PRKG1: variants seen among roughly 807,000 people sequenced by gnomAD.
PRKG1 encodes the protein cGMP-dependent protein kinase 1.
In PRKG1, 35 loss-of-function variants were observed where a neutral mutation model predicts 88.1. That is an observed-to-expected ratio of 0.40 (90% confidence interval 0.30 to 0.53). PRKG1 has a LOEUF of 0.53. PRKG1 is among the 20% of genes least tolerant of loss of function. The probability of loss-of-function intolerance (pLI) is 0.59; values close to 1 mark genes in which losing one functional copy is unlikely to be tolerated. For synonymous variants in PRKG1, 303 were observed against 292.5 expected, an observed-to-expected ratio of 1.04 and a Z score of -0.37; for missense variants, 540 against 839.8, an observed-to-expected ratio of 0.64 and a Z score of 4.41.
intron 9 of PRKG1, among the ~76,000 whole-genome samples, chr10:52,192,355 A>G (rs1839388529): frequency 1.3e-5 from 2 of 152,134 alleles, no homozygotes; most frequent in Non-Finnish European, 2.9e-5. Context: ...AAGTATGGTC[A>G]CTGCTATTGG....
chr10:52,115,909 A>G (rs10824046), intron 7 of PRKG1, among the ~76,000 whole-genome samples: 62,062 of 151,972 alleles, frequency 0.41, 14,179 homozygotes, highest in Non-Finnish European at 0.5. Context: ...GATGAACTAA[A>G]TTTAGCAGAC....
chr10:51,170,911 A>T (rs576323087), intron 2 of PRKG1, among the ~76,000 whole-genome samples: 1 of 152,296 alleles, frequency 6.6e-6, no homozygotes, highest in South Asian at 2.1e-4. Flanking sequence ...ACCATGCTCT[A>T]AGCTGTGGCT....
rs12774315 is a variant in PRKG1, at chr10:51,786,593, C to A, written c.593-17992C>A. On this transcript the variant is annotated intron_variant, in intron 3 of 17. Coordinates refer to ENST00000373980, the MANE Select transcript of PRKG1 (RefSeq NM_006258.4). ...ACACACTCTGAATACGTCAGTTGAGCCTGGCACTCACCACACTATATTGAT... is the reference window on the plus strand; with the variant it reads ...ACACACTCTGAATACGTCAGTTGAGACTGGCACTCACCACACTATATTGAT... Among the ~76,000 whole-genome samples the A allele has an allele frequency of 5.6e-4, 86 of 152,220 alleles. 1 individual carries two copies. The highest frequency in any genetic ancestry group is 1.2e-3 in the Non-Finnish European group (80 of 68,018).
chr10:52,029,793 G>A (rs972485888), intron 5 of PRKG1, among the ~76,000 whole-genome samples: 3 of 152,096 alleles, frequency 2.0e-5, no homozygotes, highest in Non-Finnish European at 4.4e-5. Context: ...CTTAGTTGTG[G>A]TTTCCCATTC....
chr10:51,632,648 T>A (rs1839555766), intron 3 of PRKG1, among the ~76,000 whole-genome samples: 1 of 152,242 alleles, frequency 6.6e-6, no homozygotes, highest in African/African-American at 2.4e-5. Flanking sequence ...AATTACTTTG[T>A]GAATAAAATT....
chr10:52,101,004 A>C (rs570161030), intron 7 of PRKG1, among the ~76,000 whole-genome samples: 1 of 152,350 alleles, frequency 6.6e-6, no homozygotes, highest in African/African-American at 2.4e-5. Flanking sequence ...TCTGTGGCCA[A>C]GGCAATTTGA....
At chr10:51,311,265 G>T (rs1841179699) in intron 2 of PRKG1, among the ~76,000 whole-genome samples, 1 of 152,116 alleles carries the variant, frequency 6.6e-6, no homozygotes, top group Non-Finnish European at 1.5e-5. Flanking sequence ...TTATTTATGT[G>T]CAAGTTTGAT....
intron 1 of PRKG1, among the ~76,000 whole-genome samples, chr10:51,106,162 C>T (rs1215807513): frequency 6.6e-6 from 1 of 152,212 alleles, no homozygotes; most frequent in East Asian, 1.9e-4. Flanking sequence ...TATTAAGCCT[C>T]TCTATGCCTC....
chr10:51,299,645 A>G, intron 2 of PRKG1: 1 of 464,232 alleles, frequency 2.2e-6, no homozygotes, highest in Non-Finnish European at 4.4e-6. Context: ...GAGATTTAGA[A>G]TCAAGTTAGG....
chr10:51,184,596 T>A (rs1380405435), intron 2 of PRKG1, among the ~76,000 whole-genome samples: 1 of 152,202 alleles, frequency 6.6e-6, no homozygotes, highest in Non-Finnish European at 1.5e-5. Context: ...GTGAAACTAA[T>A]GACTAATGAA....
intron 2 of PRKG1, among the ~76,000 whole-genome samples, chr10:51,321,386 A>G (rs1168343140): frequency 1.3e-5 from 2 of 152,196 alleles, no homozygotes; most frequent in African/African-American, 2.4e-5. Context: ...ACTATTAACC[A>G]TACTTATTCT....
Position 51,078,653 on chromosome 10 carries a change from A to C in PRKG1, c.311+3752A>C, listed in dbSNP as rs543669545. Among the ~76,000 whole-genome samples the C allele has an allele frequency of 2.7e-5, 4 of 149,332 alleles. No individual in the cohort carries two copies. In the South Asian group the frequency reaches 6.4e-4, roughly 24 times the overall value. On this transcript the variant is annotated intron_variant, in intron 1 of 17. Transcript: ENST00000373980. ...ATTTATTGAGACGGAGTCTCGCTCT[A>C]TCGCCCAGGCTGGAGTGCAGTGGTG...
At chr10:51,542,828 A>T (rs528078423) in intron 3 of PRKG1, among the ~76,000 whole-genome samples, 1 of 152,302 alleles carries the variant, frequency 6.6e-6, no homozygotes, top group African/African-American at 2.4e-5. Context: ...TAGGCAAGTT[A>T]TGTAGCCTAT....
In PRKG1 at chr10:52,018,034, TA is replaced by T. The variant is rs555436681; in HGVS notation, c.763-36449del. Reference sequence around the variant, plus strand: ...CAGTGTAAGCATCGATTTGCCTAATTACGCAGTATTTTTTGGCCATCCACAG... The same window carrying T: ...CAGTGTAAGCATCGATTTGCCTAATTCGCAGTATTTTTTGGCCATCCACAG... On this transcript the variant is annotated intron_variant, in intron 5 of 17. Coordinates refer to ENST00000373980, the MANE Select transcript of PRKG1 (RefSeq NM_006258.4). 9.8e-3 allele frequency among the ~76,000 whole-genome samples: 1,495 copies of T among 152,284 alleles called. 25 individuals are homozygous for T. The highest frequency in any genetic ancestry group is 0.034 in the African/African-American group (1,427 of 41,548).
At chr10:51,156,297 G>GCACACACACAAACACACACACA (rs1846210087) in intron 2 of PRKG1, among the ~76,000 whole-genome samples, 1 of 35,134 alleles carries the variant, frequency 2.8e-5, no homozygotes, top group South Asian at 6.3e-4. Flanking sequence ...TTTGATGCAA[G>GCACACACACAAACACACACACA]CACACACACA....
At chr10:51,820,576 C>T (rs142819187) in intron 4 of PRKG1, among the ~76,000 whole-genome samples, 1 of 152,230 alleles carries the variant, frequency 6.6e-6, no homozygotes, top group East Asian at 1.9e-4. Context: ...CCTAGGACCA[C>T]ACCCCACACC....
chr10:51,770,854 C>T (rs1412170892), intron 3 of PRKG1, among the ~76,000 whole-genome samples: 1 of 152,130 alleles, frequency 6.6e-6, no homozygotes, highest in Non-Finnish European at 1.5e-5. Flanking sequence ...CAAAAAATGG[C>T]TGGTTATTAG....
chr10:51,567,318 A>G (rs768695063), intron 3 of PRKG1, among the ~76,000 whole-genome samples: 78 of 152,190 alleles, frequency 5.1e-4, no homozygotes, highest in Admixed American at 1.2e-3. Flanking sequence ...GCCTCCAAGG[A>G]TCACTATCAG....
intron 1 of PRKG1, among the ~76,000 whole-genome samples, chr10:51,060,750 T>G (rs575446547): frequency 6.6e-6 from 1 of 152,344 alleles, no homozygotes; most frequent in South Asian, 2.1e-4. Context: ...TTTTAAAAGA[T>G]CTGAAGAATA....
Sources: allele counts gnomAD v4.1 joint callset (sites outside exome capture counted in the v4.1 genomes callset), GRCh38; gene constraint gnomAD v4.1.1; transcripts MANE v1.5; gene names NCBI Gene and HGNC (gene_info 2026-07-23, HGNC 2026-07-21).